CNTN4: variants seen among roughly 807,000 people sequenced by gnomAD.
CNTN4 encodes contactin-4.
CNTN4 carries 77 observed loss-of-function variants against 122.5 expected under a neutral mutation model. The observed-to-expected ratio is 0.63, with a 90% CI of 0.52 to 0.76. The LOEUF (loss-of-function observed/expected upper bound fraction) is 0.76, where lower values mean the gene tolerates loss of function less well. Ranked by LOEUF, CNTN4 falls within the 30% of genes least tolerant of loss-of-function variation. CNTN4 has a pLI of 0.00. For synonymous variants in CNTN4, 512 were observed against 447.0 expected, an observed-to-expected ratio of 1.15 and a Z score of -1.83; for missense variants, 1,256 against 1,259.1, an observed-to-expected ratio of 1.00 and a Z score of 0.04.
Position 2,769,225 on chromosome 3 carries a change from A to C in CNTN4, c.358+23528A>C, listed in dbSNP as rs187638105. 2.2e-4 allele frequency among the ~76,000 whole-genome samples: 33 copies of C among 152,268 alleles called. No individual in the cohort carries two copies. The East Asian group carries it at 5.8e-3, about 27-fold the overall frequency. ...ACACGTGTAATCCCAGCACTTTGGG[A>C]GGCCGAGGCGGGCAGATCATGAGGT... On this transcript the variant is annotated intron_variant, in intron 6 of 24. Coordinates refer to ENST00000418658, the MANE Select transcript of CNTN4 (RefSeq NM_175607.3).
intron 3 of CNTN4, among the ~76,000 whole-genome samples, chr3:2,570,592 G>A (rs993085670): frequency 2.6e-5 from 4 of 152,144 alleles, no homozygotes; most frequent in Non-Finnish European, 5.9e-5. Context: ...CCCTGGATCT[G>A]TGTTCCACAT....
intron 6 of CNTN4, among the ~76,000 whole-genome samples, chr3:2,796,809 T>C (rs2092198665): frequency 6.6e-6 from 1 of 152,210 alleles, no homozygotes; most frequent in Admixed American, 6.5e-5. Context: ...TTCATCCTAT[T>C]CTATTGCTGT....
Position 2,870,276 on chromosome 3 carries a change from T to C in CNTN4, c.652+3327T>C, listed in dbSNP as rs918053731. Reference sequence around the variant, plus strand: ...ACAAATGTTTTGTATTAAAATATTTTATCACAAAGTTAGCAGACTAAAGAT... The same window carrying C: ...ACAAATGTTTTGTATTAAAATATTTCATCACAAAGTTAGCAGACTAAAGAT... On this transcript the variant is annotated intron_variant, in intron 8 of 24. Transcript: ENST00000418658. Among the ~76,000 whole-genome samples, 19 of 152,324 alleles carry C rather than the reference T, an allele frequency of 1.2e-4. 5 individuals are homozygous for C. The highest frequency in any genetic ancestry group is 1.2e-4 in the African/African-American group (5 of 41,576).
chr3:2,617,419 CTT>C (rs71058631), intron 4 of CNTN4, among the ~76,000 whole-genome samples: 4 of 108,510 alleles, frequency 3.7e-5, no homozygotes, highest in Non-Finnish European at 5.3e-5. Context: ...AGAGAAATGC[CTT>C]TTTTTTTTTT....
intron 3 of CNTN4, among the ~76,000 whole-genome samples, chr3:2,339,707 G>A (rs1487997909): frequency 1.3e-5 from 2 of 152,100 alleles, no homozygotes; most frequent in African/African-American, 4.8e-5. Context: ...TACAATGTAT[G>A]CAAATTTTTT....
intron 2 of CNTN4, among the ~76,000 whole-genome samples, chr3:2,250,996 C>G (rs1211124799): frequency 6.6e-6 from 1 of 151,756 alleles, no homozygotes; most frequent in Admixed American, 6.6e-5. Context: ...GCTGATAATG[C>G]TAATATTATA....
At chr3:2,710,996 G>T (rs2087113617) in intron 4 of CNTN4, among the ~76,000 whole-genome samples, 1 of 152,198 alleles carries the variant, frequency 6.6e-6, no homozygotes. Flanking sequence ...AAAATGGCAG[G>T]GGTATGAAAC....
intron 3 of CNTN4, among the ~76,000 whole-genome samples, chr3:2,340,710 T>TATATATATAGAGAGAGAGAGAGAGAGAG: frequency 9.3e-4 from 17 of 18,306 alleles, no homozygotes; most frequent in African/African-American, 1.4e-3. Flanking sequence ...TATATATATA[T>TATATATATAGAGAGAGAGAGAGAGAGAG]AGAGAGAGAG....
intron 8 of CNTN4, among the ~76,000 whole-genome samples, chr3:2,881,384 G>C (rs149869825): frequency 6.6e-6 from 1 of 152,084 alleles, no homozygotes; most frequent in Non-Finnish European, 1.5e-5. Context: ...ATGGTGGCAC[G>C]TGCCTGTAGT....
chr3:2,917,588 T>A (rs938454157), intron 12 of CNTN4, among the ~76,000 whole-genome samples: 11 of 152,262 alleles, frequency 7.2e-5, no homozygotes, highest in African/African-American at 2.6e-4. Context: ...AAATCATAGA[T>A]CTCTTCTCTG....
intron 2 of CNTN4, among the ~76,000 whole-genome samples, chr3:2,211,892 C>T (rs2038638246): frequency 6.6e-6 from 1 of 152,136 alleles, no homozygotes; most frequent in African/African-American, 2.4e-5. Context: ...TAAAATTTTC[C>T]CTACATTAAT....
At chr3:2,384,862 A>T (rs1264552134) in intron 3 of CNTN4, among the ~76,000 whole-genome samples, 2 of 151,318 alleles carry the variant, frequency 1.3e-5, no homozygotes, top group African/African-American at 4.9e-5. Flanking sequence ...TTTTTAACCT[A>T]TTTTTGCAGA....
chr3:2,326,678 G>A (rs1575381123), intron 2 of CNTN4, among the ~76,000 whole-genome samples: 1 of 152,158 alleles, frequency 6.6e-6, no homozygotes, highest in East Asian at 1.9e-4. Flanking sequence ...TGCCTTACAA[G>A]GACAGAATAG....
At chr3:2,938,472 C>T (rs1002027713) in intron 13 of CNTN4, among the ~76,000 whole-genome samples, 1 of 152,080 alleles carries the variant, frequency 6.6e-6, no homozygotes, top group East Asian at 1.9e-4. Context: ...ATTTATTTAC[C>T]TTACTTAAGG....
intron 2 of CNTN4, among the ~76,000 whole-genome samples, chr3:2,119,945 T>A (rs1185589193): frequency 6.6e-6 from 1 of 152,082 alleles, no homozygotes; most frequent in Non-Finnish European, 1.5e-5. Flanking sequence ...GTGGGCAGGA[T>A]CTAGTGTAGG....
intron 13 of CNTN4, among the ~76,000 whole-genome samples, chr3:2,978,894 A>G (rs926131862): frequency 6.6e-6 from 1 of 152,144 alleles, no homozygotes; most frequent in African/African-American, 2.4e-5. Flanking sequence ...TTAGTCGCTC[A>G]CCCCTTGCAG....
intron 2 of CNTN4, among the ~76,000 whole-genome samples, chr3:2,301,838 A>C (rs891023962): frequency 6.6e-6 from 1 of 152,138 alleles, no homozygotes; most frequent in African/African-American, 2.4e-5. Flanking sequence ...AAATAAATAA[A>C]CTCTACTTAA....
At chr3:3,006,157 T>C (rs1696619600) in intron 14 of CNTN4, among the ~76,000 whole-genome samples, 1 of 152,182 alleles carries the variant, frequency 6.6e-6, no homozygotes, top group African/African-American at 2.4e-5. Flanking sequence ...ATTACAGGCA[T>C]GAGCCACCGC....
intron 3 of CNTN4, among the ~76,000 whole-genome samples, chr3:2,485,647 A>C (rs1011871208): frequency 6.6e-6 from 1 of 152,180 alleles, no homozygotes; most frequent in East Asian, 1.9e-4. Flanking sequence ...ATCTTTGTCT[A>C]GCTAAGGGAT....
Sources: gnomAD v4.1 joint callset for allele counts (sites outside exome capture counted in the v4.1 genomes callset) on GRCh38, gnomAD v4.1.1 for gene constraint, MANE v1.5 for transcripts, NCBI Gene and HGNC (gene_info 2026-07-23, HGNC 2026-07-21) for gene names.